The following MTMR7 variants were observed in gnomAD, a reference collection of about 807,000 sequenced individuals.
MTMR7 encodes phosphatidylinositol-3-phosphate phosphatase MTMR7.
In MTMR7, 76 loss-of-function variants were observed where a neutral mutation model predicts 81.2. The observed-to-expected ratio is 0.94, with a 90% CI of 0.78 to 1.13. The LOEUF is 1.13. MTMR7 is among the 50% of genes most tolerant of loss of function. The pLI is 0.00. For synonymous variants in MTMR7, 372 were observed against 289.8 expected, an observed-to-expected ratio of 1.28 and a Z score of -2.88; for missense variants, 1,044 against 820.0, an observed-to-expected ratio of 1.27 and a Z score of -3.34.
At chr8:17,335,767 G>A (rs972298575) in intron 6 of MTMR7, among the ~76,000 whole-genome samples, 4 of 152,182 alleles carry the variant, frequency 2.6e-5, no homozygotes, top group Non-Finnish European at 2.9e-5. Flanking sequence ...CTTTCTACCC[G>A]CTAAGGACCT....
At chr8:17,323,703 C>T (rs1818526806) in intron 7 of MTMR7, among the ~76,000 whole-genome samples, 1 of 152,138 alleles carries the variant, frequency 6.6e-6, no homozygotes, top group African/African-American at 2.4e-5. Context: ...CCAGGACCAA[C>T]ACTCCTATGA....
chr8:17,405,835 TACACACACACACACAC>T (rs36233628), intron 1 of MTMR7, among the ~76,000 whole-genome samples: 99 of 121,066 alleles, frequency 8.2e-4, no homozygotes, highest in Middle Eastern at 4.2e-3. Flanking sequence ...CCCAAAACTA[TACACACACACACACAC>T]ACACACACAC....
At position 17,302,270 on chromosome 8, in the gene MTMR7, C is replaced by T; in HGVS notation, c.1504G>A (p.Gly502Arg). The T allele has an allele frequency of 1.9e-6, 3 of 1,613,222 alleles. No individual in the cohort carries two copies. Among genetic ancestry groups the T allele is most frequent in the East Asian group, 2.2e-5 (1 of 44,866 alleles). Residue 502 changes from glycine (G) to arginine (R), a missense_variant, in exon 13 of 14, where the codon GGA (glycine) becomes AGA (arginine). Coordinates refer to ENST00000180173, the MANE Select transcript of MTMR7 (RefSeq NM_004686.5). ...CCCTTTTCAAAGCGGTTATACATTC[C>T]ACTCCAAAACCTGGAAAGGATGGCA... Reference protein sequence around the residue: ...PCNFMYKFWSGMYNRFEKGMQ... With the variant: ...PCNFMYKFWSRMYNRFEKGMQ...
intron 6 of MTMR7, among the ~76,000 whole-genome samples, chr8:17,338,385 A>G (rs1819312702): frequency 6.6e-6 from 1 of 152,208 alleles, no homozygotes; most frequent in South Asian, 2.1e-4. Flanking sequence ...TCCTAAAATT[A>G]GTAGGTGAAT....
At chr8:17,406,290 C>A (rs550161765) in intron 1 of MTMR7, among the ~76,000 whole-genome samples, 15 of 152,084 alleles carry the variant, frequency 9.9e-5, no homozygotes, top group African/African-American at 3.4e-4. Flanking sequence ...AATTTTGCAA[C>A]CCAATAATTT....
At chr8:17,412,859 A>T (rs986944752) in intron 1 of MTMR7, among the ~76,000 whole-genome samples, 9 of 152,172 alleles carry the variant, frequency 5.9e-5, no homozygotes, top group Non-Finnish European at 1.3e-4. Context: ...CTCTGCATTT[A>T]GCTCGTTTTC....
Position 17,320,383 on chromosome 8 carries a change from C to T in MTMR7, c.866-6982G>A, listed in dbSNP as rs567064102. On this transcript the variant is annotated intron_variant, in intron 7 of 13. Coordinates refer to ENST00000180173, the MANE Select transcript of MTMR7 (RefSeq NM_004686.5). ...CCTGAGATGATGCATGATAGCAAGA[C>T]GGAGGGTGTGGTAAAGGGTATGTTT... Among the ~76,000 whole-genome samples, 15 of 151,940 alleles carry T rather than the reference C, an allele frequency of 9.9e-5. No homozygotes were observed. In the South Asian group the frequency reaches 2.9e-3, roughly 29 times the overall value.
At chr8:17,357,232 T>G (rs1219141082) in intron 4 of MTMR7, among the ~76,000 whole-genome samples, 1 of 152,248 alleles carries the variant, frequency 6.6e-6, no homozygotes, top group Non-Finnish European at 1.5e-5. Flanking sequence ...CTGTCATACT[T>G]TCTCCATTTG....
intron 1 of MTMR7, among the ~76,000 whole-genome samples, chr8:17,390,255 G>A (rs1424392498): frequency 6.7e-6 from 1 of 149,900 alleles, no homozygotes; most frequent in Non-Finnish European, 1.5e-5. Context: ...CAATCATGGT[G>A]TAAGGCAAAG....
chr8:17,343,501 G>C (rs767285277), intron 5 of MTMR7, among the ~76,000 whole-genome samples: 1 of 152,128 alleles, frequency 6.6e-6, no homozygotes, highest in African/African-American at 2.4e-5. Context: ...GGGTTAGATG[G>C]GGATGGTAAC....
In MTMR7 at chr8:17,299,742, G is replaced by T; in HGVS notation, c.*120C>A. 4 of 1,389,108 alleles carry T rather than the reference G, an allele frequency of 2.9e-6. No individual in the cohort carries two copies. The highest frequency in any genetic ancestry group is 2.2e-4 in the Middle Eastern group (1 of 4,526). 86.0% of individuals were successfully genotyped at this position (1,389,108 alleles called of 1,614,324 possible). ...GGCACTTTTTTCCCTTTTCATAGCTGCATTAAAGTAGTTCTCAATGACATG... is the reference window on the plus strand; with the variant it reads ...GGCACTTTTTTCCCTTTTCATAGCTTCATTAAAGTAGTTCTCAATGACATG... On this transcript the variant is annotated 3_prime_UTR_variant, in exon 14 of 14. Transcript: ENST00000180173.
intron 6 of MTMR7, 125 bp from the exon 7 acceptor site, chr8:17,331,407 T>G: frequency 1.0e-6 from 1 of 988,744 alleles, no homozygotes; most frequent in Non-Finnish European, 1.4e-6. Flanking sequence ...ATAATACGCT[T>G]ATTTGAATCA....
intron 4 of MTMR7, among the ~76,000 whole-genome samples, chr8:17,354,604 G>A (rs1420505803): frequency 2.0e-5 from 3 of 152,262 alleles, no homozygotes; most frequent in South Asian, 2.1e-4. Flanking sequence ...TGTATTCTAC[G>A]TCTGCTGTTA....
intron 1 of MTMR7, among the ~76,000 whole-genome samples, chr8:17,377,378 T>G (rs903083255): frequency 6.6e-6 from 1 of 152,086 alleles, no homozygotes; most frequent in Non-Finnish European, 1.5e-5. Flanking sequence ...TATCTGTGGG[T>G]AAACCCCTCT....
At chr8:17,303,904 A>C (rs147211241) in intron 12 of MTMR7, among the ~76,000 whole-genome samples, 104 of 152,336 alleles carry the variant, frequency 6.8e-4, no homozygotes, top group African/African-American at 2.5e-3. Flanking sequence ...CAAGGGAAGT[A>C]CTTCCAGTAG....
At chr8:17,328,277 T>C (rs755899208) in intron 7 of MTMR7, among the ~76,000 whole-genome samples, 1 of 152,132 alleles carries the variant, frequency 6.6e-6, no homozygotes, top group Non-Finnish European at 1.5e-5. Context: ...GAGATGCAAG[T>C]AACTCCATAC....
At chr8:17,315,733 T>C (rs1044859351) in intron 7 of MTMR7, among the ~76,000 whole-genome samples, 10 of 151,548 alleles carry the variant, frequency 6.6e-5, no homozygotes, top group African/African-American at 2.4e-4. Context: ...GAAAAAAGGC[T>C]GGGCACAGTG....
intron 4 of MTMR7, among the ~76,000 whole-genome samples, chr8:17,354,767 G>A (rs1819838165): frequency 6.6e-6 from 1 of 152,142 alleles, no homozygotes; most frequent in African/African-American, 2.4e-5. Context: ...CAAAAGGAAT[G>A]GATTTGGATA....
chr8:17,385,754 T>G (rs1820918775), intron 1 of MTMR7, among the ~76,000 whole-genome samples: 1 of 152,198 alleles, frequency 6.6e-6, no homozygotes, highest in African/African-American at 2.4e-5. Flanking sequence ...TCCTACCATG[T>G]AAGAAGTATC....
Sources: gnomAD v4.1 joint callset for allele counts (sites outside exome capture counted in the v4.1 genomes callset) on GRCh38, gnomAD v4.1.1 for gene constraint, MANE v1.5 for transcripts, NCBI Gene and HGNC (gene_info 2026-07-23, HGNC 2026-07-21) for gene names.